The following DYNC1I2 variants were observed in gnomAD, a reference collection of about 807,000 sequenced individuals.
DYNC1I2 encodes dynein cytoplasmic 1 intermediate chain 2, also known as cytoplasmic dynein 1 intermediate chain 2.
In DYNC1I2, 53 loss-of-function variants were observed where a neutral mutation model predicts 88.6. The observed-to-expected ratio is 0.60, with a 90% confidence interval of 0.48 to 0.75. The LOEUF (loss-of-function observed/expected upper bound fraction) is 0.75, where lower values mean the gene tolerates loss of function less well. DYNC1I2 is among the 30% of genes least tolerant of loss of function. The pLI, the probability that DYNC1I2 is intolerant of heterozygous loss-of-function variation, is 0.00. For synonymous variants in DYNC1I2, 198 were observed against 254.6 expected, an observed-to-expected ratio of 0.78 and a Z score of 2.12; for missense variants, 458 against 766.6, an observed-to-expected ratio of 0.60 and a Z score of 4.75.
chr2:171,701,520 A>T (rs1686259016), intron 3 of DYNC1I2, among the ~76,000 whole-genome samples: 1 of 152,144 alleles, frequency 6.6e-6, no homozygotes, highest in Non-Finnish European at 1.5e-5. Flanking sequence ...TTATGAGTGT[A>T]GATACAAGAG....
Position 171,737,189 on chromosome 2 carries a change from C to T in DYNC1I2, c.1537-6860C>T, listed in dbSNP as rs377578003. Among the ~76,000 whole-genome samples, 13 of 152,312 alleles carry T rather than the reference C, an allele frequency of 8.5e-5. No homozygotes were observed. In the East Asian group the frequency reaches 1.3e-3, roughly 16 times the overall value. On this transcript the variant is annotated intron_variant, in intron 15 of 17. Transcript: ENST00000397119. ...CTTGCAGCTACCATCATTCCAGCCT[C>T]TGCCTCTGTCATCAGATGGCATTCT...
chr2:171,732,182 G>A (rs1688663499), intron 15 of DYNC1I2, among the ~76,000 whole-genome samples: 1 of 152,126 alleles, frequency 6.6e-6, no homozygotes, highest in Non-Finnish European at 1.5e-5. Context: ...CAGCCAACAT[G>A]GTGAAACCCC....
chr2:171,729,260 A>C (rs1688449938), intron 14 of DYNC1I2, among the ~76,000 whole-genome samples: 1 of 152,142 alleles, frequency 6.6e-6, no homozygotes, highest in Non-Finnish European at 1.5e-5. Context: ...TACATATTTT[A>C]AACTGAGTAA....
rs753510678 is a variant in DYNC1I2 at position 171,727,810 on chromosome 2, C to T, written c.997-11C>T. 2.5e-6 allele frequency: 4 copies of T among 1,606,242 alleles called. No individual in the cohort carries two copies. The highest frequency in any genetic ancestry group is 2.7e-5 in the African/African-American group (2 of 74,550). ...TTGAATCTCAAGTATAAAAATCTTA[C>T]TTATTTGCAGTCAGCTGTGATGTCT... is the stretch of plus-strand genomic sequence containing the variant. On this transcript the variant is annotated splice_polypyrimidine_tract_variant and intron_variant, in intron 11 of 17. Transcript: ENST00000397119.
chr2:171,699,627 T>TGTGTGTGC (rs1161695259), intron 3 of DYNC1I2, among the ~76,000 whole-genome samples: 12 of 150,834 alleles, frequency 8.0e-5, no homozygotes, highest in Non-Finnish European at 1.8e-4. Context: ...TGTGTGTGTG[T>TGTGTGTGC]GTGTGTGGCG....
At chr2:171,727,698 GT>G in intron 11 of DYNC1I2, 122 bp from the exon 12 acceptor site, 3 of 683,314 alleles carry the variant, frequency 4.4e-6, no homozygotes. Flanking sequence ...TTACTTAGTT[GT>G]TTTTATAACC....
Position 171,690,280 on chromosome 2 carries a change from T to C in DYNC1I2, c.108+17T>C. 6.6e-7 allele frequency: 1 copy of C among 1,520,792 alleles called. No individual in the cohort carries two copies. The highest frequency in any genetic ancestry group is 8.9e-7 in the Non-Finnish European group (1 of 1,125,998). 94.2% of individuals were successfully genotyped at this position (1,520,792 alleles called of 1,614,324 possible). A position where few individuals can be genotyped will look rare whatever the true frequency, so the allele number is the denominator to read the frequency against. The stretch of plus-strand genomic sequence containing the variant: ...AAAAAAGAAGTATGTTTGATTTTTT[T>C]GCTTAAATAAACAACATAAAGTAAT... On this transcript the variant is annotated intron_variant, in intron 2 of 17. Transcript: ENST00000397119.
At chr2:171,721,342 A>T (rs867962815) in intron 7 of DYNC1I2, among the ~76,000 whole-genome samples, 24 of 152,074 alleles carry the variant, frequency 1.6e-4, no homozygotes, top group African/African-American at 5.8e-4. Flanking sequence ...GATGGTGTAA[A>T]AAAAGAAAGG....
At chr2:171,728,631 TG>T in intron 13 of DYNC1I2, 85 bp from the exon 14 acceptor site, 1 of 1,174,812 alleles carries the variant, frequency 8.5e-7, no homozygotes, top group Non-Finnish European at 1.2e-6. Flanking sequence ...ATAAAAGAAT[TG>T]TTTACAATCA....
At chr2:171,728,649 A>G in intron 13 of DYNC1I2, 68 bp from the exon 14 acceptor site, 1 of 1,324,530 alleles carries the variant, frequency 7.5e-7, no homozygotes, top group Non-Finnish European at 1.0e-6. Flanking sequence ...ATCAAAGACT[A>G]GAAGTTTTTC....
At chr2:171,722,384 C>T (rs1459286793) in intron 7 of DYNC1I2, among the ~76,000 whole-genome samples, 1 of 152,116 alleles carries the variant, frequency 6.6e-6, no homozygotes, top group African/African-American at 2.4e-5. Context: ...CTCTTTACTG[C>T]TCAGTTTATA....
At chr2:171,693,028 A>T (rs1286245790) in intron 3 of DYNC1I2, 134 bp downstream of exon 3, 6 of 729,642 alleles carry the variant, frequency 8.2e-6, no homozygotes, top group Non-Finnish European at 1.4e-5. Context: ...TTTTATTTGG[A>T]ATTGTCTTTT....
chr2:171,706,297 T>C (rs1184157807), intron 3 of DYNC1I2, among the ~76,000 whole-genome samples: 19 of 152,124 alleles, frequency 1.2e-4, no homozygotes, highest in Non-Finnish European at 2.8e-4. Context: ...ATTGGGGACA[T>C]TTATGATAAA....
intron 3 of DYNC1I2, among the ~76,000 whole-genome samples, chr2:171,699,516 AT>A (rs1339667099): frequency 6.6e-6 from 1 of 151,846 alleles, no homozygotes; most frequent in African/African-American, 2.4e-5. Flanking sequence ...AGCTCATTAG[AT>A]TTCCATTTTA....
chr2:171,741,419 G>A (rs10200608), intron 15 of DYNC1I2, among the ~76,000 whole-genome samples: 44,193 of 151,998 alleles, frequency 0.29, 6,723 homozygotes, highest in African/African-American at 0.38. Context: ...CTGATTTCCT[G>A]TATCTTCACC....
In DYNC1I2 at chr2:171,712,986, A is replaced by T. The variant is rs1014025259; in HGVS notation, c.395+160A>T. ...CCTCATTTATCCAGTATCTTTAGTG[A>T]AAGAATATTCTGTGTGATGTTCTAT... On this transcript the variant is annotated intron_variant, in intron 6 of 17. Coordinates refer to ENST00000397119, the MANE Select transcript of DYNC1I2 (RefSeq NM_001378.3). Among the ~76,000 whole-genome samples, 4 of 152,274 alleles carry T rather than the reference A, an allele frequency of 2.6e-5. No individual in the cohort carries two copies. The South Asian group carries it at 8.3e-4, about 32-fold the overall frequency.
chr2:171,721,841 C>G (rs1461914611), intron 7 of DYNC1I2, among the ~76,000 whole-genome samples: 1 of 152,114 alleles, frequency 6.6e-6, no homozygotes, highest in Non-Finnish European at 1.5e-5. Context: ...CAACAGTGCA[C>G]TAATGATGGG....
chr2:171,729,663 C>T (rs1362258708), intron 14 of DYNC1I2, 46 bp from the exon 15 acceptor site: 2 of 1,602,052 alleles, frequency 1.2e-6, no homozygotes, highest in South Asian at 1.1e-5. Context: ...TGTAATTGGT[C>T]TACTTATAGG....
intron 2 of DYNC1I2, among the ~76,000 whole-genome samples, chr2:171,691,071 A>T (rs1296661361): frequency 1.3e-5 from 2 of 152,236 alleles, no homozygotes; most frequent in Non-Finnish European, 2.9e-5. Flanking sequence ...GTCAGAATGG[A>T]TAATATTAAT....
Sources: allele counts gnomAD v4.1 joint callset (sites outside exome capture counted in the v4.1 genomes callset), GRCh38; gene constraint gnomAD v4.1.1; transcripts MANE v1.5; gene names NCBI Gene and HGNC (gene_info 2026-07-23, HGNC 2026-07-21).